Variants in KCNK13 observed in about 807,000 individuals in gnomAD.
The protein encoded by KCNK13 is potassium two pore domain channel subfamily K member 13.
In KCNK13, 12 loss-of-function variants were observed where a neutral mutation model predicts 23.4. The observed-to-expected ratio is 0.51, with a 90% CI of 0.33 to 0.83. KCNK13 has a LOEUF of 0.83. Among genes scored for constraint, KCNK13 ranks in the 40% least tolerant of loss-of-function variants. The pLI, the probability that KCNK13 is intolerant of heterozygous loss-of-function variation, is 0.02. For synonymous variants in KCNK13, 231 were observed against 229.5 expected (o/e 1.01, Z -0.06); for missense variants, 463 against 556.3 (o/e 0.83, Z 1.69).
chr14:90,160,472 T>A (rs990399039), intron 1 of KCNK13, among the ~76,000 whole-genome samples: 4 of 152,224 alleles, frequency 2.6e-5, no homozygotes, highest in African/African-American at 9.6e-5. Context: ...AAAGGGCATT[T>A]AGCAAGGGCC....
At chr14:90,068,726 G>C (rs1889037449) in intron 1 of KCNK13, among the ~76,000 whole-genome samples, 1 of 152,210 alleles carries the variant, frequency 6.6e-6, no homozygotes, top group Admixed American at 6.5e-5. Context: ...GAAATCTGGA[G>C]TCTAGAGGGC....
At chr14:90,131,610 C>T (rs533714006) in intron 1 of KCNK13, among the ~76,000 whole-genome samples, 1 of 152,306 alleles carries the variant, frequency 6.6e-6, no homozygotes, top group Non-Finnish European at 1.5e-5. Flanking sequence ...TCACTGCAGC[C>T]TTGACCTCCT....
rs1890524073 is a variant in KCNK13 at position 90,184,467 on chromosome 14, T to C, written c.691T>C (p.Cys231Arg). 6.2e-7 allele frequency: 1 copy of C among 1,614,254 alleles called. No individual in the cohort carries two copies. Among genetic ancestry groups the C allele is most frequent in the Non-Finnish European group, 8.5e-7 (1 of 1,180,040 alleles). ...GWSYFDSLYF[C>R]FVAFSTIGFG... The stretch of plus-strand genomic sequence containing the variant: ...GAGCTACTTTGACTCACTCTACTTC[T>C]GTTTTGTGGCTTTCAGCACCATTGG... The change falls in exon 2 of 2, where the codon TGT (cysteine) becomes CGT (arginine). Residue 231 changes from cysteine to arginine, a missense_variant. Transcript: ENST00000282146. This position sits in a 1 kb window ranked among gnomAD's most constrained non-coding sequence, Gnocchi z 5.6.
At chr14:90,151,316 G>A (rs1008506612) in intron 1 of KCNK13, among the ~76,000 whole-genome samples, 1 of 152,160 alleles carries the variant, frequency 6.6e-6, no homozygotes, top group Non-Finnish European at 1.5e-5. Context: ...CCTTTTGGCA[G>A]GAATAGCCAT....
At chr14:90,136,219 T>C (rs549202930) in intron 1 of KCNK13, among the ~76,000 whole-genome samples, 44 of 152,156 alleles carry the variant, frequency 2.9e-4, no homozygotes, top group Non-Finnish European at 6.2e-4. Flanking sequence ...GCCTCTGGCC[T>C]GCTGTTTCTG....
intron 1 of KCNK13, among the ~76,000 whole-genome samples, chr14:90,097,082 C>G (rs1390827847): frequency 1.3e-5 from 2 of 152,074 alleles, no homozygotes; most frequent in Non-Finnish European, 2.9e-5. Flanking sequence ...ACCTTGTTTT[C>G]TATATTTTGT....
intron 1 of KCNK13, among the ~76,000 whole-genome samples, chr14:90,104,004 T>TA (rs1566952125): frequency 1.3e-5 from 2 of 152,234 alleles, no homozygotes; most frequent in South Asian, 4.1e-4. Context: ...CCCAGATGTA[T>TA]AAGATCAGTC....
rs867539309 is a variant in KCNK13, at chr14:90,104,797, T to C, written c.334+42258T>C. ...AGCTACTTTCTTTTCTTTTCTTTTT[T>C]TTTTTTTTTTTTGAGAGAGTCTCAC... On this transcript the variant is annotated intron_variant, in intron 1 of 1. Transcript: ENST00000282146. Among the ~76,000 whole-genome samples the C allele has an allele frequency of 9.2e-4, 135 of 146,856 alleles. 1 individual carries two copies. In the Middle Eastern group the frequency reaches 0.021, roughly 23 times the overall value.
At chr14:90,173,145 G>A (rs182495088) in intron 1 of KCNK13, among the ~76,000 whole-genome samples, 25 of 152,300 alleles carry the variant, frequency 1.6e-4, no homozygotes, top group East Asian at 1.2e-3. Flanking sequence ...AAGGAGATGC[G>A]AATGAAAACC....
chr14:90,170,071 A>G (rs1319005914), intron 1 of KCNK13, among the ~76,000 whole-genome samples: 1 of 152,230 alleles, frequency 6.6e-6, no homozygotes, highest in Non-Finnish European at 1.5e-5. Flanking sequence ...GCATGGAAAT[A>G]AAAGAAAATA....
intron 1 of KCNK13, among the ~76,000 whole-genome samples, chr14:90,095,470 A>G (rs1404856515): frequency 1.3e-5 from 2 of 152,060 alleles, no homozygotes; most frequent in African/African-American, 2.4e-5. Context: ...TATAGTCAAC[A>G]TATCTTCTGC....
chr14:90,158,692 C>G (rs1336731001), intron 1 of KCNK13, among the ~76,000 whole-genome samples: 1 of 152,214 alleles, frequency 6.6e-6, no homozygotes, highest in African/African-American at 2.4e-5. Context: ...TTCCTCCCTT[C>G]CTGCCTGCCT....
At chr14:90,166,011 T>G (rs1232085031) in intron 1 of KCNK13, among the ~76,000 whole-genome samples, 1 of 152,268 alleles carries the variant, frequency 6.6e-6, no homozygotes, top group African/African-American at 2.4e-5. Flanking sequence ...GCAGATGATT[T>G]AAAGAGTCTC....
chr14:90,077,201 C>T (rs1889148944), intron 1 of KCNK13, among the ~76,000 whole-genome samples: 1 of 148,914 alleles, frequency 6.7e-6, no homozygotes, highest in South Asian at 2.1e-4. Context: ...CTCACTGCAG[C>T]CTCCGCCTCC....
intron 1 of KCNK13, among the ~76,000 whole-genome samples, chr14:90,065,523 C>T (rs1047264927): frequency 1.3e-5 from 2 of 152,130 alleles, no homozygotes; most frequent in Non-Finnish European, 2.9e-5. Context: ...ATCCAGGATA[C>T]GCTATTAAGG....
At chr14:90,160,701 G>A (rs1890243147) in intron 1 of KCNK13, among the ~76,000 whole-genome samples, 1 of 151,932 alleles carries the variant, frequency 6.6e-6, no homozygotes, top group African/African-American at 2.4e-5. Context: ...AAATTAGCCG[G>A]GCATGGTGGC....
At chr14:90,167,500 TCTAAATG>T (rs1345333903) in intron 1 of KCNK13, among the ~76,000 whole-genome samples, 14 of 152,162 alleles carry the variant, frequency 9.2e-5, no homozygotes, top group African/African-American at 3.1e-4. Flanking sequence ...TAATCATTGT[TCTAAATG>T]CAGGGAACTG....
At chr14:90,115,321 C>T (rs1465615391) in intron 1 of KCNK13, among the ~76,000 whole-genome samples, 1 of 152,190 alleles carries the variant, frequency 6.6e-6, no homozygotes. Flanking sequence ...AGCCAGCCCG[C>T]TCCTGCTGGT....
chr14:90,086,082 T>C (rs1338392881), intron 1 of KCNK13, among the ~76,000 whole-genome samples: 1 of 151,754 alleles, frequency 6.6e-6, no homozygotes, highest in East Asian at 1.9e-4. Flanking sequence ...TTGTAAGACA[T>C]AGGTTATTGC....
Sources: allele counts gnomAD v4.1 joint callset (sites outside exome capture counted in the v4.1 genomes callset), GRCh38; gene constraint gnomAD v4.1.1; non-coding constraint Gnocchi (gnomAD v3.1); transcripts MANE v1.5; gene names NCBI Gene and HGNC (gene_info 2026-07-23, HGNC 2026-07-21).